Variants in DOK6 observed in about 807,000 individuals in gnomAD.
DOK6 encodes the protein docking protein 6.
Under a neutral mutation model 44.0 loss-of-function variants are expected in DOK6, and 22 were observed. The observed-to-expected ratio is 0.50, with a 90% CI of 0.36 to 0.71. The LOEUF is 0.71. Ranked by LOEUF, DOK6 falls within the 30% of genes least tolerant of loss-of-function variation. DOK6 has a pLI of 0.00. For synonymous variants in DOK6, 166 were observed against 145.5 expected, an observed-to-expected ratio of 1.14 and a Z score of -1.01; for missense variants, 340 against 416.4, an observed-to-expected ratio of 0.82 and a Z score of 1.60.
intron 5 of DOK6, among the ~76,000 whole-genome samples, chr18:69,734,393 C>CAAAAAA (rs60831756): frequency 0.025 from 1,226 of 48,306 alleles, 43 homozygotes; most frequent in Middle Eastern, 0.091. Flanking sequence ...TTCATAGCAG[C>CAAAAAA]AAAAAAAAAA....
chr18:69,733,977 C>A (rs182064970), intron 5 of DOK6, among the ~76,000 whole-genome samples: 2 of 151,998 alleles, frequency 1.3e-5, no homozygotes, highest in Non-Finnish European at 2.9e-5. Flanking sequence ...ATATTTTCAC[C>A]GGCAAATTCA....
intron 1 of DOK6, among the ~76,000 whole-genome samples, chr18:69,553,639 T>C (rs1982618275): frequency 6.6e-6 from 1 of 152,200 alleles, no homozygotes; most frequent in Non-Finnish European, 1.5e-5. Flanking sequence ...GGTGTCTCCC[T>C]GCTCAACAAG....
intron 2 of DOK6, among the ~76,000 whole-genome samples, chr18:69,594,976 A>T (rs960338414): frequency 6.6e-6 from 1 of 152,162 alleles, no homozygotes; most frequent in Non-Finnish European, 1.5e-5. Context: ...TGAACTAGTT[A>T]AAAAAGAGAT....
intron 5 of DOK6, among the ~76,000 whole-genome samples, chr18:69,705,650 T>C (rs75658067): frequency 0.039 from 6,015 of 152,296 alleles, 174 homozygotes; most frequent in East Asian, 0.086. Context: ...TTGAGACTGC[T>C]TTAGCTTGGT....
intron 4 of DOK6, among the ~76,000 whole-genome samples, chr18:69,681,860 A>G (rs1986052547): frequency 6.6e-6 from 1 of 152,238 alleles, no homozygotes; most frequent in Admixed American, 6.5e-5. Context: ...ATTCCTGCAA[A>G]TGCAGTTGGA....
chr18:69,690,189 AT>A lies in DOK6; in HGVS notation c.410-8203del, dbSNP rs1376258168. Among the ~76,000 whole-genome samples, 1,085 of 148,278 alleles carry A rather than the reference AT, an allele frequency of 7.3e-3. 9 individuals carry two copies. Among genetic ancestry groups the A allele is most frequent in the African/African-American group, 0.02 (816 of 40,742 alleles). On this transcript the variant is annotated intron_variant, in intron 4 of 7. Coordinates refer to ENST00000382713, the MANE Select transcript of DOK6 (RefSeq NM_152721.6). ...GGGAATTTTAAAAAGATACTGTGGA[AT>A]TTTTTTTTTTTAAGTACTGCTGATT... is the stretch of plus-strand genomic sequence containing the variant.
rs181776997 is a variant in DOK6, at chr18:69,496,089, T to A, written c.67-68398T>A. On this transcript the variant is annotated intron_variant, in intron 1 of 7. Coordinates refer to ENST00000382713, the MANE Select transcript of DOK6 (RefSeq NM_152721.6). The stretch of plus-strand genomic sequence containing the variant: ...GAATGTGGGTCTCCTGCCTGCTCTG[T>A]GGGCTAGGAGGCCCAGATCTACCGC... Among the ~76,000 whole-genome samples the A allele has an allele frequency of 3.5e-3, 538 of 152,268 alleles. 3 individuals carry two copies. The highest frequency in any genetic ancestry group is 5.8e-3 in the Non-Finnish European group (396 of 68,016).
At chr18:69,674,862 A>T (rs999574372) in intron 3 of DOK6, among the ~76,000 whole-genome samples, 6 of 152,150 alleles carry the variant, frequency 3.9e-5, no homozygotes, top group African/African-American at 1.4e-4. Flanking sequence ...TGTTTTTCAT[A>T]TAACCTCCTA....
At chr18:69,526,195 C>G (rs1335676004) in intron 1 of DOK6, among the ~76,000 whole-genome samples, 3 of 151,958 alleles carry the variant, frequency 2.0e-5, no homozygotes, top group Non-Finnish European at 2.9e-5. Context: ...ATTTTCATCA[C>G]CATAAAAAGA....
intron 5 of DOK6, among the ~76,000 whole-genome samples, chr18:69,727,771 G>A (rs1024044165): frequency 6.6e-6 from 1 of 152,140 alleles, no homozygotes; most frequent in Non-Finnish European, 1.5e-5. Flanking sequence ...TTAAGAAACT[G>A]TAAATTCTTT....
intron 7 of DOK6, among the ~76,000 whole-genome samples, chr18:69,777,144 A>G (rs1599320204): frequency 2.5e-5 from 1 of 39,598 alleles, no homozygotes; most frequent in Non-Finnish European, 6.6e-5. Context: ...AAGTATAATA[A>G]AAAAAAAAAA....
intron 3 of DOK6, among the ~76,000 whole-genome samples, chr18:69,631,822 T>C (rs1406400908): frequency 1.3e-5 from 2 of 152,202 alleles, no homozygotes; most frequent in African/African-American, 4.8e-5. Context: ...CCAAGCGCTA[T>C]CCTCTAGATT....
chr18:69,577,848 A>G (rs1005809855), intron 2 of DOK6, among the ~76,000 whole-genome samples: 2 of 152,188 alleles, frequency 1.3e-5, no homozygotes, highest in Non-Finnish European at 2.9e-5. Context: ...ATTAAAGTCA[A>G]TTAAAATTTT....
intron 7 of DOK6, among the ~76,000 whole-genome samples, chr18:69,785,009 T>C (rs1006241566): frequency 6.6e-6 from 1 of 152,170 alleles, no homozygotes; most frequent in Non-Finnish European, 1.5e-5. Context: ...TCATGCTATA[T>C]GCTATAATTA....
intron 1 of DOK6, among the ~76,000 whole-genome samples, chr18:69,537,109 T>G (rs2144578066): frequency 6.6e-6 from 1 of 151,948 alleles, no homozygotes; most frequent in East Asian, 1.9e-4. Flanking sequence ...GTGCTGGGAT[T>G]ATAAGCGTGA....
In DOK6 at chr18:69,548,963, C is replaced by T. The variant is rs189347197; in HGVS notation, c.67-15524C>T. On this transcript the variant is annotated intron_variant, in intron 1 of 7. Transcript: ENST00000382713. ...AAAAAAAATTAGCTGGGCGAGGTGG[C>T]GGGCGCCTGTAGTTCCAGCTACTCG... Among the ~76,000 whole-genome samples the T allele has an allele frequency of 8.6e-3, 1,302 of 150,932 alleles. 28 individuals carry two copies. Among genetic ancestry groups the T allele is most frequent in the African/African-American group, 0.023 (942 of 41,382 alleles).
intron 1 of DOK6, among the ~76,000 whole-genome samples, chr18:69,456,374 C>A (rs999279536): frequency 2.0e-5 from 3 of 152,066 alleles, no homozygotes; most frequent in African/African-American, 7.2e-5. Flanking sequence ...ATGTTTAGCT[C>A]CTACTTATAA....
intron 1 of DOK6, among the ~76,000 whole-genome samples, chr18:69,439,051 T>A (rs1188648182): frequency 7.7e-6 from 1 of 130,038 alleles, no homozygotes; most frequent in Non-Finnish European, 1.6e-5. Flanking sequence ...CAGCAAAGAG[T>A]GAGACCTGGT....
At chr18:69,490,126 A>T (rs1980694320) in intron 1 of DOK6, among the ~76,000 whole-genome samples, 1 of 152,168 alleles carries the variant, frequency 6.6e-6, no homozygotes, top group Admixed American at 6.5e-5. Context: ...AGAGTTTAAG[A>T]ATGTCTGAAG....
Sources: allele counts gnomAD v4.1 joint callset (sites outside exome capture counted in the v4.1 genomes callset), GRCh38; gene constraint gnomAD v4.1.1; transcripts MANE v1.5; gene names NCBI Gene and HGNC (gene_info 2026-07-23, HGNC 2026-07-21).